The following TPP2 variants were observed in gnomAD, a reference collection of about 807,000 sequenced individuals.
The protein encoded by TPP2 is tripeptidyl-peptidase 2.
TPP2 carries 34 observed loss-of-function variants against 155.9 expected under a neutral mutation model. The observed-to-expected ratio is 0.22, with a 90% CI of 0.17 to 0.29. The LOEUF is 0.29. Ranked by LOEUF, TPP2 falls within the 10% of genes least tolerant of loss-of-function variation. The pLI is 1.00. For missense variants in TPP2, 1,028 were observed against 1,522.3 expected (o/e 0.68, Z 5.40); for synonymous variants, 510 against 529.4 (o/e 0.96, Z 0.50).
chr13:102,667,858 CG>C, intron 27 of TPP2: 2 of 980,360 alleles, frequency 2.0e-6, no homozygotes, highest in Non-Finnish European at 2.4e-6. Context: ...GGCCGAGCGA[CG>C]GATGAAAGGA....
chr13:102,603,090 G>A (rs891155517), intron 1 of TPP2, among the ~76,000 whole-genome samples: 3 of 152,134 alleles, frequency 2.0e-5, no homozygotes, highest in Non-Finnish European at 2.9e-5. Flanking sequence ...ATTGTTACTT[G>A]TAGCAATCAT....
intron 10 of TPP2, among the ~76,000 whole-genome samples, chr13:102,631,079 A>G (rs998680962): frequency 1.3e-5 from 2 of 152,236 alleles, no homozygotes; most frequent in African/African-American, 4.8e-5. Context: ...GGAGTTCTAT[A>G]TGCCAAGAAT....
At chr13:102,630,689 T>C (rs1881958207) in intron 10 of TPP2, among the ~76,000 whole-genome samples, 1 of 152,214 alleles carries the variant, frequency 6.6e-6, no homozygotes, top group African/African-American at 2.4e-5. Context: ...AGTCTATCTC[T>C]TTTGGTTCCC....
intron 23 of TPP2, among the ~76,000 whole-genome samples, chr13:102,650,261 T>A (rs1883396430): frequency 6.6e-6 from 1 of 152,174 alleles, no homozygotes; most frequent in Non-Finnish European, 1.5e-5. Flanking sequence ...AGTTTTGCAT[T>A]TCTCTGTACT....
At chr13:102,675,172 T>C in intron 28 of TPP2, among the ~76,000 whole-genome samples, 1 of 152,238 alleles carries the variant, frequency 6.6e-6, no homozygotes, top group South Asian at 2.1e-4. Flanking sequence ...AGGTGCTTGT[T>C]CTCAGAATTA....
At chr13:102,615,738 C>T (rs1158800488) in intron 3 of TPP2, among the ~76,000 whole-genome samples, 1 of 152,108 alleles carries the variant, frequency 6.6e-6, no homozygotes, top group Non-Finnish European at 1.5e-5. Flanking sequence ...TGGCATTTCC[C>T]AATTTTGTAT....
Position 102,604,838 on chromosome 13 carries a change from A to G in TPP2, c.211A>G (p.Thr71Ala), listed in dbSNP as rs1359484419. The change falls in exon 2 of 30, where the codon ACA becomes GCA. Residue 71 changes from threonine (T) to alanine (A), a missense_variant. Around this residue, in one of 7 missense-constraint regions of TPP2, gnomAD observed 300 missense variants for 398.3 expected, o/e 0.75. Coordinates refer to ENST00000376052, the MANE Select transcript of TPP2 (RefSeq NM_001330588.2). ...AAAAATCGTTGATATCATTGATACA[A>G]CAGGAAGTGGCGATGTGAATACTGC... ...KPKIVDIIDT[T>A]GSGDVNTATE... The G allele has an allele frequency of 6.2e-7, 1 of 1,613,850 alleles. No individual in the cohort carries two copies. Among genetic ancestry groups the G allele is most frequent in the Non-Finnish European group, 8.5e-7 (1 of 1,179,978 alleles).
Position 102,616,431 on chromosome 13 carries a change from C to T in TPP2, c.426C>T (p.His142=), listed in dbSNP as rs756499056. The change falls in exon 4 of 30, where the codon CAC becomes CAT. Residue 142 remains histidine (H), a synonymous_variant. Transcript: ENST00000376052. ...ERKEKIWDPV[H]RVALAEACRK... The stretch of plus-strand genomic sequence containing the variant: ...AGGAAAAAATCTGGGACCCTGTTCA[C>T]AGAGTGGCCCTTGCAGAAGCCTGTA... 6.2e-7 allele frequency: 1 copy of T among 1,612,886 alleles called. No homozygotes were observed. Among genetic ancestry groups the T allele is most frequent in the South Asian group, 1.1e-5 (1 of 90,704 alleles).
At chr13:102,648,721 T>C (rs144852982) in intron 21 of TPP2, among the ~76,000 whole-genome samples, 186 bp from the exon 22 acceptor site, 1 of 152,272 alleles carries the variant, frequency 6.6e-6, no homozygotes, top group African/African-American at 2.4e-5. Flanking sequence ...TCCCTGATCC[T>C]GTCTGCTCAC....
At chr13:102,601,144 A>G (rs1351991712) in intron 1 of TPP2, among the ~76,000 whole-genome samples, 1 of 152,144 alleles carries the variant, frequency 6.6e-6, no homozygotes, top group African/African-American at 2.4e-5. Context: ...TTTTGTCATC[A>G]TCTCTCTACT....
chr13:102,605,058 T>G, intron 2 of TPP2, 137 bp downstream of exon 2: 3 of 1,342,830 alleles, frequency 2.2e-6, no homozygotes, highest in Non-Finnish European at 3.1e-6. Context: ...CATCCTGGTT[T>G]AAAATGACAA....
chr13:102,659,839 T>A (rs1476496408), intron 25 of TPP2, among the ~76,000 whole-genome samples: 1 of 152,234 alleles, frequency 6.6e-6, no homozygotes, highest in Non-Finnish European at 1.5e-5. Flanking sequence ...ATTTTTTTCC[T>A]GTTAACTAAT....
chr13:102,664,558 C>G (rs1159760013), intron 26 of TPP2, among the ~76,000 whole-genome samples: 1 of 152,074 alleles, frequency 6.6e-6, no homozygotes, highest in Non-Finnish European at 1.5e-5. Flanking sequence ...CCATTGTACT[C>G]CAGCAGGGAA....
intron 26 of TPP2, 33 bp from the exon 27 acceptor site, chr13:102,664,762 C>G (rs1884479938): frequency 6.2e-7 from 1 of 1,601,058 alleles, no homozygotes; most frequent in African/African-American, 1.3e-5. Flanking sequence ...GATTGATATA[C>G]CTATTTTTTA....
chr13:102,621,282 T>A (rs1351172372), intron 5 of TPP2, among the ~76,000 whole-genome samples: 2 of 152,220 alleles, frequency 1.3e-5, no homozygotes, highest in African/African-American at 4.8e-5. Context: ...AATTCCTTAA[T>A]CATGTGGCAG....
In TPP2 at chr13:102,666,766, C is replaced by CTTTTTTTTTTTTTTTT; in HGVS notation, c.3371+1851_3371+1866dup. On this transcript the variant is annotated intron_variant, in intron 27 of 29. Transcript: ENST00000376052. ...TGGTCTTTATCACTGTTTTTAATCT[C>CTTTTTTTTTTTTTTTT]TTTTTTTTTTTTTTTTTTTTTTTTT... Among the ~76,000 whole-genome samples, 143 of 55,746 alleles carry CTTTTTTTTTTTTTTTT rather than the reference C, an allele frequency of 2.6e-3. 3 individuals carry two copies. The highest frequency in any genetic ancestry group is 4.8e-3 in the East Asian group (7 of 1,452). The allele number at this position is 55,746 out of a possible 152,430, so 36.6% of individuals were successfully genotyped here.
At chr13:102,677,903 G>A (rs1885391307) in intron 29 of TPP2, among the ~76,000 whole-genome samples, 1 of 152,166 alleles carries the variant, frequency 6.6e-6, no homozygotes, top group African/African-American at 2.4e-5. Context: ...AAAAATGAAT[G>A]AAAGGAACTT....
intron 25 of TPP2, among the ~76,000 whole-genome samples, chr13:102,659,591 A>G (rs921027926): frequency 2.4e-4 from 37 of 152,208 alleles, no homozygotes; most frequent in African/African-American, 8.7e-4. Flanking sequence ...ATCTCAACCA[A>G]TAATCCTATA....
At chr13:102,645,393 T>C (rs546674474) in intron 19 of TPP2, among the ~76,000 whole-genome samples, 1 of 152,358 alleles carries the variant, frequency 6.6e-6, no homozygotes, top group African/African-American at 2.4e-5. Context: ...ACTTAAGTAC[T>C]GTAGCCTGCT....
Sources: allele counts gnomAD v4.1 joint callset (sites outside exome capture counted in the v4.1 genomes callset), GRCh38; gene constraint gnomAD v4.1.1; regional missense constraint gnomAD v4.1.1; transcripts MANE v1.5; gene names NCBI Gene and HGNC (gene_info 2026-07-23, HGNC 2026-07-21).